The following DLGAP1 variants were observed in gnomAD, a reference collection of about 807,000 sequenced individuals.
The protein encoded by DLGAP1 is DLG associated protein 1.
Under a neutral mutation model 90.8 loss-of-function variants are expected in DLGAP1, and 11 were observed. That is an observed-to-expected ratio of 0.12 (90% CI 0.08 to 0.20). The LOEUF is 0.20. DLGAP1 is among the 10% of genes least tolerant of loss of function. The pLI is 1.00. For synonymous variants in DLGAP1, 558 were observed against 540.7 expected (o/e 1.03, Z -0.44); for missense variants, 1,050 against 1,333.8 (o/e 0.79, Z 3.31).
At chr18:4,153,487 T>A (rs753780822) in intron 1 of DLGAP1, among the ~76,000 whole-genome samples, 4 of 152,220 alleles carry the variant, frequency 2.6e-5, no homozygotes, top group Non-Finnish European at 5.9e-5. Flanking sequence ...TTTCTTTTCT[T>A]TTCCTTACCC....
Position 4,177,351 on chromosome 18 carries a change from A to AACACAC in DLGAP1, c.-266-26070_-266-26065dup, listed in dbSNP as rs34299932. 4.8e-3 allele frequency among the ~76,000 whole-genome samples: 684 copies of AACACAC among 141,644 alleles called. 1 individual carries two copies. Among genetic ancestry groups the AACACAC allele is most frequent in the South Asian group, 0.011 (46 of 4,250 alleles). The allele number at this position is 141,644 out of a possible 152,430, so 92.9% of individuals were successfully genotyped here. A position where few individuals can be genotyped will look rare whatever the true frequency, so the allele number is the denominator to read the frequency against. Reference sequence around the variant, plus strand: ...AATACATATGCCTTGACTTTCTTTGAACACACACACACACACACACACACA... The same window carrying AACACAC: ...AATACATATGCCTTGACTTTCTTTGAACACACACACACACACACACACACACACACA... On this transcript the variant is annotated intron_variant, in intron 1 of 12. Coordinates refer to ENST00000315677, the MANE Select transcript of DLGAP1 (RefSeq NM_004746.4).
At chr18:3,862,774 G>A (rs987614126) in intron 4 of DLGAP1, among the ~76,000 whole-genome samples, 2 of 152,234 alleles carry the variant, frequency 1.3e-5, no homozygotes, top group South Asian at 2.1e-4. Flanking sequence ...ACTCTACGAG[G>A]TAAGTATTTT....
At chr18:3,760,285 G>C (rs1736542898) in intron 5 of DLGAP1, among the ~76,000 whole-genome samples, 1 of 152,172 alleles carries the variant, frequency 6.6e-6, no homozygotes, top group Non-Finnish European at 1.5e-5. Flanking sequence ...AGGAAGACAG[G>C]AGGGGCGACA....
intron 3 of DLGAP1, among the ~76,000 whole-genome samples, chr18:3,932,299 A>G (rs2072536565): frequency 6.6e-6 from 1 of 152,142 alleles, no homozygotes; most frequent in Non-Finnish European, 1.5e-5. Context: ...CCCACCTCCC[A>G]CAGATTGCAG....
chr18:3,515,468 C>CAAAA (rs55870741), intron 10 of DLGAP1, among the ~76,000 whole-genome samples: 24,318 of 72,014 alleles, frequency 0.34, 4,574 homozygotes, highest in East Asian at 0.51. Flanking sequence ...GATTCCATCT[C>CAAAA]AAAAAAAAAA....
At chr18:4,193,855 A>C (rs1441139850) in intron 1 of DLGAP1, among the ~76,000 whole-genome samples, 1 of 152,080 alleles carries the variant, frequency 6.6e-6, no homozygotes, top group Non-Finnish European at 1.5e-5. Context: ...TGCCAACAAT[A>C]AAAAAAATTG....
intron 7 of DLGAP1, among the ~76,000 whole-genome samples, chr18:3,721,344 ATTTTCTCCATTTAGTGCTG>A (rs1274295016): frequency 1.3e-5 from 2 of 152,294 alleles, no homozygotes; most frequent in East Asian, 3.9e-4. Context: ...GGCAAAAATT[ATTTTCTCCATTTAGTGCTG>A]TCTGACAACA....
At chr18:3,856,322 G>T (rs2069640384) in intron 4 of DLGAP1, among the ~76,000 whole-genome samples, 1 of 152,090 alleles carries the variant, frequency 6.6e-6, no homozygotes, top group South Asian at 2.1e-4. Context: ...TAAGCACTGG[G>T]GTAAAAAAGA....
intron 7 of DLGAP1, chr18:3,654,634 G>C (rs1241516417): frequency 6.6e-6 from 1 of 152,142 alleles, no homozygotes; most frequent in Non-Finnish European, 1.5e-5. Flanking sequence ...TTGCTACTGG[G>C]AGTTTCTGCA....
chr18:3,674,346 T>C (rs937162938), intron 7 of DLGAP1, among the ~76,000 whole-genome samples: 3 of 148,928 alleles, frequency 2.0e-5, no homozygotes, highest in Non-Finnish European at 4.5e-5. Flanking sequence ...TGGCCAAGTG[T>C]GGTGGCTCAT....
At chr18:4,366,491 C>G (rs2081769828) in intron 1 of DLGAP1, among the ~76,000 whole-genome samples, 1 of 151,976 alleles carries the variant, frequency 6.6e-6, no homozygotes, top group Non-Finnish European at 1.5e-5. Context: ...ATCTTAGACA[C>G]TATCATGATC....
At chr18:3,748,864 C>A (rs1203923496) in intron 5 of DLGAP1, among the ~76,000 whole-genome samples, 1 of 152,156 alleles carries the variant, frequency 6.6e-6, no homozygotes, top group South Asian at 2.1e-4. Flanking sequence ...AGTAACCTTA[C>A]CTATAATGGC....
chr18:4,121,827 G>C lies in DLGAP1; in HGVS notation c.-159+29353C>G, dbSNP rs531123306. Among the ~76,000 whole-genome samples, 311 of 152,214 alleles carry C rather than the reference G, an allele frequency of 2.0e-3. 1 individual carries two copies. The highest frequency in any genetic ancestry group is 7.2e-3 in the African/African-American group (298 of 41,500). Reference sequence around the variant, plus strand: ...TGAATAATTTTTTCTTTAACAGTAGGAATATAATGATGACCAACATTTACT... The same window carrying C: ...TGAATAATTTTTTCTTTAACAGTAGCAATATAATGATGACCAACATTTACT... On this transcript the variant is annotated intron_variant, in intron 2 of 12. Transcript: ENST00000315677.
intron 3 of DLGAP1, among the ~76,000 whole-genome samples, chr18:3,902,612 G>A (rs2071808332): frequency 6.6e-6 from 1 of 152,106 alleles, no homozygotes; most frequent in Admixed American, 6.5e-5. Context: ...CTATAGTACT[G>A]TATCTGCTTT....
chr18:3,621,723 C>T (rs905752975), intron 7 of DLGAP1, among the ~76,000 whole-genome samples: 2 of 152,210 alleles, frequency 1.3e-5, no homozygotes, highest in Admixed American at 6.5e-5. Context: ...CTGCCTGATT[C>T]GCAAAGCATT....
At chr18:3,733,484 C>G (rs1480414045) in intron 6 of DLGAP1, among the ~76,000 whole-genome samples, 1 of 152,162 alleles carries the variant, frequency 6.6e-6, no homozygotes, top group Non-Finnish European at 1.5e-5. Flanking sequence ...AACTGATACT[C>G]CAAAGTGTAC....
At chr18:3,955,669 G>A (rs994969991) in intron 3 of DLGAP1, among the ~76,000 whole-genome samples, 6 of 151,626 alleles carry the variant, frequency 4.0e-5, no homozygotes, top group Non-Finnish European at 8.8e-5. Flanking sequence ...AGCCGAGATC[G>A]TGCCATTGCA....
chr18:3,752,357 CT>C (rs976084748), intron 5 of DLGAP1, among the ~76,000 whole-genome samples: 2 of 152,092 alleles, frequency 1.3e-5, no homozygotes, highest in African/African-American at 4.8e-5. Flanking sequence ...TATAGTCACT[CT>C]CCATTCTTCC....
intron 1 of DLGAP1, among the ~76,000 whole-genome samples, chr18:4,387,559 T>G (rs1164993719): frequency 2.0e-5 from 3 of 152,222 alleles, no homozygotes; most frequent in Admixed American, 2.0e-4. Flanking sequence ...CTGCACTATC[T>G]CTAAGTCCAG....
Sources: allele counts gnomAD v4.1 joint callset (sites outside exome capture counted in the v4.1 genomes callset), GRCh38; gene constraint gnomAD v4.1.1; transcripts MANE v1.5; gene names NCBI Gene and HGNC (gene_info 2026-07-23, HGNC 2026-07-21).